Variants in HSPA4 observed in about 807,000 individuals in gnomAD.
HSPA4 encodes heat shock protein family A (Hsp70) member 4.
A neutral mutation model predicts 106.2 loss-of-function variants in HSPA4; 25 were observed. That is an observed-to-expected ratio of 0.24 (90% confidence interval 0.17 to 0.33). The LOEUF (loss-of-function observed/expected upper bound fraction) is 0.33, where lower values mean the gene tolerates loss of function less well. HSPA4 is among the 10% of genes least tolerant of loss of function. The pLI is 1.00. For synonymous variants in HSPA4, 332 were observed against 333.6 expected, an observed-to-expected ratio of 1.00 and a Z score of 0.05; for missense variants, 841 against 996.0, an observed-to-expected ratio of 0.84 and a Z score of 2.10.
intron 7 of HSPA4, among the ~76,000 whole-genome samples, chr5:133,078,732 A>G (rs1765477269): frequency 6.7e-6 from 1 of 149,202 alleles, no homozygotes; most frequent in Admixed American, 6.7e-5. Context: ...TAGTGTGATT[A>G]TTGTTGTTGT....
intron 1 of HSPA4, among the ~76,000 whole-genome samples, chr5:133,060,056 A>G (rs983481705): frequency 5.1e-5 from 7 of 135,974 alleles, no homozygotes; most frequent in African/African-American, 9.0e-5. Flanking sequence ...TGATTGTGGT[A>G]TATCAGTTTT....
chr5:133,075,278 A>G (rs1416190405), intron 6 of HSPA4, among the ~76,000 whole-genome samples: 2 of 152,204 alleles, frequency 1.3e-5, no homozygotes, highest in African/African-American at 4.8e-5. Flanking sequence ...TAGAATTTCT[A>G]AGATCTATGC....
At position 133,052,044 on chromosome 5, in the gene HSPA4, C is replaced by T. The variant is rs1333940675; in HGVS notation, c.-207C>T. ...TTCTCCGCCCCCGCTACCGGCGCCT[C>T]CTCTGCGGCCACTGAGCCGGAGCCG... On this transcript the variant is annotated 5_prime_UTR_variant, in exon 1 of 19. Coordinates refer to ENST00000304858, the MANE Select transcript of HSPA4 (RefSeq NM_002154.4). 1.3e-5 allele frequency: 7 copies of T among 532,306 alleles called. No individual in the cohort carries two copies. The highest frequency in any genetic ancestry group is 3.4e-5 in the East Asian group (1 of 29,578). The allele number at this position is 532,306 out of a possible 1,614,324, so 33.0% of individuals were successfully genotyped here.
chr5:133,086,879 A>G, intron 8 of HSPA4, 21 bp downstream of exon 8: 1 of 1,553,402 alleles, frequency 6.4e-7, no homozygotes, highest in East Asian at 2.2e-5. Flanking sequence ...TTGTGATTGA[A>G]TTTGTTTGCG....
intron 1 of HSPA4, among the ~76,000 whole-genome samples, chr5:133,064,751 G>C (rs934826947): frequency 2.0e-5 from 3 of 152,156 alleles, no homozygotes; most frequent in South Asian, 2.1e-4. Flanking sequence ...TAGTATTCTA[G>C]ACAGGTAGTT....
At chr5:133,056,986 A>AT (rs1204758497) in intron 1 of HSPA4, among the ~76,000 whole-genome samples, 4 of 147,568 alleles carry the variant, frequency 2.7e-5, no homozygotes, top group Non-Finnish European at 4.6e-5. Context: ...TTTTTTATTA[A>AT]TTTTTTATGA....
rs1190105542 is a variant in HSPA4, at chr5:133,096,078, A to G, written c.1651-20A>G. On this transcript the variant is annotated intron_variant, in intron 13 of 18. Transcript: ENST00000304858. The stretch of plus-strand genomic sequence containing the variant: ...GTAGTCTGTATATGTGTTTGTTCTT[A>G]ATGATTTCTATTGTTTTAGACCTCT... The G allele has an allele frequency of 2.5e-6, 4 of 1,607,420 alleles. No homozygotes were observed. In the African/African-American group the frequency reaches 5.4e-5, roughly 22 times the overall value.
chr5:133,058,784 G>A (rs959190807), intron 1 of HSPA4, among the ~76,000 whole-genome samples: 12 of 152,166 alleles, frequency 7.9e-5, no homozygotes, highest in Non-Finnish European at 1.2e-4. Flanking sequence ...CTTGAGCTCC[G>A]GAGTTTGGGA....
chr5:133,093,268 T>G (rs1765672789), intron 13 of HSPA4, among the ~76,000 whole-genome samples: 1 of 152,130 alleles, frequency 6.6e-6, no homozygotes, highest in Non-Finnish European at 1.5e-5. Flanking sequence ...TGTAGTGATT[T>G]GTAATGTGCT....
intron 6 of HSPA4, among the ~76,000 whole-genome samples, chr5:133,074,477 C>T (rs1765423863): frequency 6.6e-6 from 1 of 152,118 alleles, no homozygotes; most frequent in Non-Finnish European, 1.5e-5. Flanking sequence ...GGGGTTTATC[C>T]ATGTTGGTCA....
At chr5:133,101,650 T>A (rs1481673907) in intron 16 of HSPA4, 109 bp from the exon 17 acceptor site, 2 of 1,003,568 alleles carry the variant, frequency 2.0e-6, no homozygotes, top group Admixed American at 2.6e-5. Context: ...ATATTTAACT[T>A]CTTATATATA....
In HSPA4 at chr5:133,092,806, G is replaced by GTTTTTTTT. The variant is rs57230598; in HGVS notation, c.1650+42_1650+49dup. 7.8e-5 allele frequency: 37 copies of GTTTTTTTT among 474,016 alleles called. 1 individual carries two copies. In the African/African-American group the frequency reaches 1.0e-3, roughly 13 times the overall value. The allele number at this position is 474,016 out of a possible 1,614,324, so 29.4% of individuals were successfully genotyped here. A position where few individuals can be genotyped will look rare whatever the true frequency, so the allele number is the denominator to read the frequency against. On this transcript the variant is annotated intron_variant, in intron 13 of 18. Coordinates refer to ENST00000304858, the MANE Select transcript of HSPA4 (RefSeq NM_002154.4). ...GAAATGGAGGTATGCATTGGGTGGT[G>GTTTTTTTT]TTTTTTTTTTTTTTTTTTTTTTTTT...
At chr5:133,076,952 T>C (rs1277980069) in intron 7 of HSPA4, 54 bp downstream of exon 7, 8 of 1,403,608 alleles carry the variant, frequency 5.7e-6, no homozygotes, top group Non-Finnish European at 6.9e-6. Flanking sequence ...TCTCCACATA[T>C]ATTAACCTTT....
intron 7 of HSPA4, among the ~76,000 whole-genome samples, chr5:133,082,906 TG>T (rs1413263016): frequency 6.6e-6 from 1 of 151,880 alleles, no homozygotes; most frequent in Non-Finnish European, 1.5e-5. Context: ...GAGGCTGAGG[TG>T]GGTGGATCAC....
At chr5:133,099,820 C>T (rs959087988) in intron 16 of HSPA4, among the ~76,000 whole-genome samples, 168 bp downstream of exon 16, 7 of 152,102 alleles carry the variant, frequency 4.6e-5, no homozygotes, top group Non-Finnish European at 1.0e-4. Flanking sequence ...CTTTTAGAAC[C>T]TTGTAATAAC....
At chr5:133,085,244 C>T (rs1765563365) in intron 7 of HSPA4, among the ~76,000 whole-genome samples, 1 of 151,796 alleles carries the variant, frequency 6.6e-6, no homozygotes, top group African/African-American at 2.4e-5. Flanking sequence ...AGTGAGTAAT[C>T]AGGCTGTGAA....
chr5:133,073,189 A>C, intron 4 of HSPA4, 41 bp from the exon 5 acceptor site: 1 of 1,250,514 alleles, frequency 8.0e-7, no homozygotes, highest in South Asian at 1.3e-5. Context: ...AACTAAAATT[A>C]GAATCTATAA....
At chr5:133,070,191 A>T (rs1223218625) in intron 3 of HSPA4, among the ~76,000 whole-genome samples, 183 bp from the exon 4 acceptor site, 1 of 151,968 alleles carries the variant, frequency 6.6e-6, no homozygotes, top group Non-Finnish European at 1.5e-5. Context: ...TAATAATAAT[A>T]AAAAAAGAAG....
intron 4 of HSPA4, among the ~76,000 whole-genome samples, chr5:133,072,169 G>T (rs564251545): frequency 1.3e-5 from 2 of 152,142 alleles, no homozygotes; most frequent in Non-Finnish European, 2.9e-5. Flanking sequence ...TGCTTAGGAG[G>T]GTTCACGGGC....
Sources: allele counts gnomAD v4.1 joint callset (sites outside exome capture counted in the v4.1 genomes callset), GRCh38; gene constraint gnomAD v4.1.1; transcripts MANE v1.5; gene names NCBI Gene and HGNC (gene_info 2026-07-23, HGNC 2026-07-21).